The following CLYBL variants were observed in gnomAD, a reference collection of about 807,000 sequenced individuals.
CLYBL encodes the protein citramalyl-CoA lyase, mitochondrial.
Under a neutral mutation model 38.9 loss-of-function variants are expected in CLYBL, and 31 were observed. The observed-to-expected ratio is 0.80, with a 90% CI of 0.60 to 1.08. The LOEUF (loss-of-function observed/expected upper bound fraction) is 1.08. Among genes scored for constraint, CLYBL ranks in the 50% least tolerant of loss-of-function variants. The pLI is 0.00. For synonymous variants in CLYBL, 171 were observed against 158.6 expected, an observed-to-expected ratio of 1.08 and a Z score of -0.59; for missense variants, 434 against 411.6, an observed-to-expected ratio of 1.05 and a Z score of -0.47.
chr13:99,826,851 C>G (rs1324982692), intron 2 of CLYBL, among the ~76,000 whole-genome samples: 1 of 152,170 alleles, frequency 6.6e-6, no homozygotes, highest in Non-Finnish European at 1.5e-5. Context: ...CGAGGAATCT[C>G]CATACACCAC....
intron 2 of CLYBL, among the ~76,000 whole-genome samples, chr13:99,787,381 G>A (rs2049819381): frequency 6.6e-6 from 1 of 152,106 alleles, no homozygotes; most frequent in East Asian, 1.9e-4. Context: ...TTTGTGTAAG[G>A]TATAAGGAAG....
At chr13:99,748,156 G>A (rs1174246279) in intron 1 of CLYBL, among the ~76,000 whole-genome samples, 4 of 152,024 alleles carry the variant, frequency 2.6e-5, no homozygotes, top group African/African-American at 9.7e-5. Context: ...AGGCCCAGGT[G>A]GGCACTTGAG....
intron 1 of CLYBL, among the ~76,000 whole-genome samples, chr13:99,760,093 A>T (rs1486486491): frequency 1.3e-5 from 2 of 152,178 alleles, no homozygotes; most frequent in Non-Finnish European, 2.9e-5. Flanking sequence ...CATCTAGGTT[A>T]TTCAATTGGT....
At chr13:99,657,260 C>T (rs940507352) in intron 1 of CLYBL, among the ~76,000 whole-genome samples, 1 of 152,186 alleles carries the variant, frequency 6.6e-6, no homozygotes, top group Admixed American at 6.5e-5. Context: ...TGTATTTCTG[C>T]GTTTGAACCT....
chr13:99,823,713 A>G (rs537921892), intron 2 of CLYBL, among the ~76,000 whole-genome samples: 117 of 152,264 alleles, frequency 7.7e-4, no homozygotes, highest in African/African-American at 2.8e-3. Flanking sequence ...CCATTCACCT[A>G]TTCAATTTGC....
At chr13:99,861,447 A>G (rs1432406702) in intron 3 of CLYBL, among the ~76,000 whole-genome samples, 1 of 152,206 alleles carries the variant, frequency 6.6e-6, no homozygotes, top group African/African-American at 2.4e-5. Flanking sequence ...AATGAGAAAA[A>G]ATATCCCTAC....
chr13:99,763,314 T>C (rs1185397172), intron 1 of CLYBL, among the ~76,000 whole-genome samples: 1 of 152,218 alleles, frequency 6.6e-6, no homozygotes, highest in Non-Finnish European at 1.5e-5. Flanking sequence ...TTGTCATATA[T>C]GACCCCTATA....
rs1463307382 is a variant in CLYBL at position 99,787,492 on chromosome 13, C to T, written c.249+14482C>T. ...CATTTCTTGTTTTTGTCAGGTTTGTCAAAGAACAGATGGTTGTAGATGTGT... is the reference window on the plus strand; with the variant it reads ...CATTTCTTGTTTTTGTCAGGTTTGTTAAAGAACAGATGGTTGTAGATGTGT... On this transcript the variant is annotated intron_variant, in intron 2 of 8. Transcript: ENST00000339105. Among the ~76,000 whole-genome samples, 3 of 152,064 alleles carry T rather than the reference C, an allele frequency of 2.0e-5. No individual in the cohort carries two copies. The East Asian group carries it at 5.8e-4, about 29-fold the overall frequency.
At chr13:99,692,026 T>C (rs2139431892) in intron 1 of CLYBL, among the ~76,000 whole-genome samples, 1 of 152,314 alleles carries the variant, frequency 6.6e-6, no homozygotes, top group East Asian at 1.9e-4. Context: ...AAACTCAGTG[T>C]ACATCCTTCA....
At chr13:99,877,568 A>ATTTT (rs780648725) in intron 7 of CLYBL, 29 of 250,812 alleles carry the variant, frequency 1.2e-4, no homozygotes, top group Non-Finnish European at 1.4e-4. Flanking sequence ...GAATTTTGTA[A>ATTTT]TTCTTTTTTT....
At chr13:99,666,978 G>C (rs930009115) in intron 1 of CLYBL, among the ~76,000 whole-genome samples, 27 of 152,086 alleles carry the variant, frequency 1.8e-4, no homozygotes, top group African/African-American at 6.5e-4. Flanking sequence ...CATAGAAGAC[G>C]GGTCCAAATG....
intron 2 of CLYBL, among the ~76,000 whole-genome samples, chr13:99,834,614 T>G (rs2050893292): frequency 6.6e-6 from 1 of 152,106 alleles, no homozygotes; most frequent in South Asian, 2.1e-4. Flanking sequence ...GCCTCCTCCT[T>G]TTTCCTTCCT....
chr13:99,792,451 CGTGGCAGA>C (rs1258661092), intron 2 of CLYBL, among the ~76,000 whole-genome samples: 3 of 152,142 alleles, frequency 2.0e-5, no homozygotes, highest in Non-Finnish European at 2.9e-5. Flanking sequence ...AGCTGCTCCA[CGTGGCAGA>C]GTACTCAGGA....
chr13:99,643,877 C>T (rs989065979), intron 1 of CLYBL, among the ~76,000 whole-genome samples: 1 of 151,780 alleles, frequency 6.6e-6, no homozygotes. Context: ...GTGGTGGCGG[C>T]GCCTGTAATC....
chr13:99,665,969 T>C lies in CLYBL; in HGVS notation c.62+59212T>C, dbSNP rs1160392300. Reference sequence around the variant, plus strand: ...AAAAATATTTTTATATTTGAGCTCATTCAGTTAATCTGAGAGATTAATCTT... The same window carrying C: ...AAAAATATTTTTATATTTGAGCTCACTCAGTTAATCTGAGAGATTAATCTT... On this transcript the variant is annotated intron_variant, in intron 1 of 8. Coordinates refer to ENST00000339105, the MANE Select transcript of CLYBL (RefSeq NM_206808.5). Among the ~76,000 whole-genome samples, 4 of 152,076 alleles carry C rather than the reference T, an allele frequency of 2.6e-5. No individual in the cohort carries two copies. In the South Asian group the frequency reaches 8.3e-4, roughly 31 times the overall value.
intron 1 of CLYBL, among the ~76,000 whole-genome samples, chr13:99,685,000 C>T (rs1284592767): frequency 6.6e-6 from 1 of 152,198 alleles, no homozygotes; most frequent in African/African-American, 2.4e-5. Context: ...TAGCAAAATA[C>T]TTTGGTTTTT....
chr13:99,626,314 G>T (rs2046868493), intron 1 of CLYBL, among the ~76,000 whole-genome samples: 1 of 152,208 alleles, frequency 6.6e-6, no homozygotes, highest in Non-Finnish European at 1.5e-5. Context: ...ATTCCCAGGG[G>T]CTGGGCATGA....
At chr13:99,813,008 AC>A (rs2050372629) in intron 2 of CLYBL, among the ~76,000 whole-genome samples, 1 of 152,172 alleles carries the variant, frequency 6.6e-6, no homozygotes, top group South Asian at 2.1e-4. Flanking sequence ...ACTCATCTAA[AC>A]CTTAGTTACA....
chr13:99,697,758 T>C (rs992969803), intron 1 of CLYBL, among the ~76,000 whole-genome samples: 23 of 150,878 alleles, frequency 1.5e-4, no homozygotes, highest in Non-Finnish European at 2.5e-4. Context: ...GCAGATCTCA[T>C]GTCTCAGCCT....
Sources: gnomAD v4.1 joint callset for allele counts (sites outside exome capture counted in the v4.1 genomes callset) on GRCh38, gnomAD v4.1.1 for gene constraint, MANE v1.5 for transcripts, NCBI Gene and HGNC (gene_info 2026-07-23, HGNC 2026-07-21) for gene names.